RIMBP2: variants seen among roughly 807,000 people sequenced by gnomAD.
The protein encoded by RIMBP2 is RIMS-binding protein 2.
Under a neutral mutation model 118.6 loss-of-function variants are expected in RIMBP2, and 48 were observed. That is an observed-to-expected ratio of 0.40 (90% CI 0.32 to 0.51). RIMBP2 has a LOEUF of 0.51. Ranked by LOEUF, RIMBP2 falls within the 20% of genes least tolerant of loss-of-function variation. The probability of loss-of-function intolerance (pLI) is 0.41; values close to 1 mark genes in which losing one functional copy is unlikely to be tolerated. For missense variants in RIMBP2, 1,551 were observed against 1,768.3 expected (o/e 0.88, Z 2.20); for synonymous variants, 762 against 742.9 (o/e 1.03, Z -0.42).
intron 4 of RIMBP2, among the ~76,000 whole-genome samples, chr12:130,479,440 A>G (rs942350010): frequency 4.6e-5 from 7 of 152,176 alleles, no homozygotes; most frequent in Non-Finnish European, 1.0e-4. Flanking sequence ...TCTGCATTTA[A>G]GTCATATCAT....
intron 2 of RIMBP2, among the ~76,000 whole-genome samples, chr12:130,601,799 G>C (rs953246032): frequency 1.3e-5 from 2 of 152,186 alleles, no homozygotes; most frequent in Admixed American, 1.3e-4. Context: ...GCTTGGAGGA[G>C]CACATTAATT....
chr12:130,649,090 C>T (rs2063112854), intron 1 of RIMBP2, among the ~76,000 whole-genome samples: 1 of 145,976 alleles, frequency 6.9e-6, no homozygotes, highest in African/African-American at 2.5e-5. Flanking sequence ...TTTTCCTGCC[C>T]TTCGTGGCGG....
intron 2 of RIMBP2, among the ~76,000 whole-genome samples, chr12:130,541,054 G>A (rs369927392): frequency 3.6e-4 from 55 of 152,266 alleles, no homozygotes; most frequent in South Asian, 1.5e-3. Context: ...GGCTATCACA[G>A]GATGGAAGAG....
At chr12:130,547,770 A>T (rs1194261528) in intron 2 of RIMBP2, among the ~76,000 whole-genome samples, 1 of 152,224 alleles carries the variant, frequency 6.6e-6, no homozygotes, top group Non-Finnish European at 1.5e-5. Flanking sequence ...ACGATCACAG[A>T]AAACTGCCTA....
intron 2 of RIMBP2, among the ~76,000 whole-genome samples, chr12:130,572,961 G>C (rs915110624): frequency 1.7e-4 from 26 of 152,110 alleles, no homozygotes; most frequent in Non-Finnish European, 2.2e-4. Context: ...TTCCCCCCGG[G>C]GGGACAGAGC....
chr12:130,523,603 G>A lies in RIMBP2; in HGVS notation c.-216-5686C>T, dbSNP rs1284828921. On this transcript the variant is annotated intron_variant, in intron 2 of 22. Coordinates refer to ENST00000690449, the MANE Select transcript of RIMBP2 (RefSeq NM_001393629.1). The surrounding 1 kb of genome is among the most constrained non-coding windows in gnomAD (Gnocchi z 4.4). Reference sequence around the variant, plus strand: ...ATGGACAAGGTGGCCGCTTCTCTGGGGGAGAAACTGACAAGAGAAAGGAAA... The same window carrying A: ...ATGGACAAGGTGGCCGCTTCTCTGGAGGAGAAACTGACAAGAGAAAGGAAA... Among the ~76,000 whole-genome samples the A allele has an allele frequency of 6.6e-6, 1 of 152,234 alleles. No homozygotes were observed. The highest frequency in any genetic ancestry group is 1.5e-5 in the Non-Finnish European group (1 of 68,044).
chr12:130,480,897 G>A (rs1194139422), intron 4 of RIMBP2, among the ~76,000 whole-genome samples: 1 of 152,232 alleles, frequency 6.6e-6, no homozygotes, highest in African/African-American at 2.4e-5. Flanking sequence ...CACCGCGCCC[G>A]ACCACCTTTT....
chr12:130,706,314 C>T lies in RIMBP2; in HGVS notation c.-352+9908G>A, dbSNP rs141841776. On this transcript the variant is annotated intron_variant, in intron 1 of 22. Coordinates refer to ENST00000690449, the MANE Select transcript of RIMBP2 (RefSeq NM_001393629.1). ...GTGAATGCCTTCAATAACAATCCGT[C>T]GAGGAGAAGACGGATGCTATTGTTA... Among the ~76,000 whole-genome samples, 712 of 152,316 alleles carry T rather than the reference C, an allele frequency of 4.7e-3. 8 individuals carry two copies. Among genetic ancestry groups the T allele is most frequent in the African/African-American group, 0.016 (678 of 41,564 alleles).
chr12:130,429,728 G>A (rs2077037114), intron 14 of RIMBP2: 1 of 152,184 alleles, frequency 6.6e-6, no homozygotes, highest in Non-Finnish European at 1.5e-5. Context: ...GCCTGCTGAG[G>A]GAAGCTGCGT....
At chr12:130,667,898 C>T (rs1042536204) in intron 1 of RIMBP2, 1 of 152,174 alleles carries the variant, frequency 6.6e-6, no homozygotes, top group Non-Finnish European at 1.5e-5. Flanking sequence ...ACATTTGGGA[C>T]CCTCCCTCAG....
chr12:130,713,118 AAGAG>A (rs150581000), intron 1 of RIMBP2, among the ~76,000 whole-genome samples: 4,940 of 58,422 alleles, frequency 0.085, 141 homozygotes, highest in Non-Finnish European at 0.12. Context: ...AAAGGAGAGA[AAGAG>A]AGGGAAGAAG....
At chr12:130,569,613 G>C (rs942922565) in intron 2 of RIMBP2, among the ~76,000 whole-genome samples, 3 of 152,222 alleles carry the variant, frequency 2.0e-5, no homozygotes, top group Non-Finnish European at 4.4e-5. Context: ...TTATACCATA[G>C]CCTTGGAGCT....
intron 1 of RIMBP2, among the ~76,000 whole-genome samples, chr12:130,678,256 G>A (rs1344971336): frequency 6.6e-6 from 1 of 152,150 alleles, no homozygotes; most frequent in East Asian, 1.9e-4. Context: ...CAGCGAAAAC[G>A]CCAACAGGAA....
rs2077179129 is a variant in RIMBP2 at position 130,431,949 on chromosome 12, T to C, written c.2253+2785A>G. The C allele has an allele frequency of 6.0e-6, 1 of 167,778 alleles. No individual in the cohort carries two copies. The highest frequency in any genetic ancestry group is 2.4e-5 in the African/African-American group (1 of 41,764). 10.4% of individuals were successfully genotyped at this position (167,778 alleles called of 1,614,324 possible). On this transcript the variant is annotated intron_variant, in intron 14 of 22. Transcript: ENST00000690449. The surrounding 1 kb of genome is among the most constrained non-coding windows in gnomAD (Gnocchi z 4.0). Reference sequence around the variant, plus strand: ...ATTAGAATGTAAACTAATCTGGAACTAATTTTATAGAAGTAAAAATTCAGG... The same window carrying C: ...ATTAGAATGTAAACTAATCTGGAACCAATTTTATAGAAGTAAAAATTCAGG...
chr12:130,509,473 G>A (rs2050687798), intron 3 of RIMBP2, among the ~76,000 whole-genome samples: 1 of 152,220 alleles, frequency 6.6e-6, no homozygotes, highest in Non-Finnish European at 1.5e-5. Flanking sequence ...CATTCTGTGT[G>A]CCTCTCCCTT....
intron 3 of RIMBP2, among the ~76,000 whole-genome samples, chr12:130,510,777 C>A (rs1015616011): frequency 2.0e-5 from 3 of 152,204 alleles, no homozygotes; most frequent in Non-Finnish European, 4.4e-5. Flanking sequence ...CTGATATTTA[C>A]TCTTTCATGG....
intron 2 of RIMBP2, among the ~76,000 whole-genome samples, chr12:130,619,484 A>G (rs575607450): frequency 6.6e-6 from 1 of 152,326 alleles, no homozygotes; most frequent in South Asian, 2.1e-4. Context: ...TCCAGTGTAC[A>G]GAGTGGAGAT....
At chr12:130,484,510 G>A (rs71468422) in intron 4 of RIMBP2, among the ~76,000 whole-genome samples, 3,867 of 152,300 alleles carry the variant, frequency 0.025, 97 homozygotes, top group African/African-American at 0.057. Flanking sequence ...TGCACTGGCC[G>A]GCTCCCTTGC....
intron 4 of RIMBP2, among the ~76,000 whole-genome samples, chr12:130,483,588 C>T (rs1230207825): frequency 6.6e-6 from 1 of 152,076 alleles, no homozygotes; most frequent in Non-Finnish European, 1.5e-5. Flanking sequence ...GAGACAGAGC[C>T]CCACGCGGCT....
Sources: gnomAD v4.1 joint callset for allele counts (sites outside exome capture counted in the v4.1 genomes callset) on GRCh38, gnomAD v4.1.1 for gene constraint, Gnocchi (gnomAD v3.1) non-coding constraint, MANE v1.5 for transcripts, NCBI Gene and HGNC (gene_info 2026-07-23, HGNC 2026-07-21) for gene names.